The following GRM7 variants were observed in gnomAD, a reference collection of about 807,000 sequenced individuals.
GRM7 encodes glutamate metabotropic receptor 7, also known as metabotropic glutamate receptor 7.
Under a neutral mutation model 84.5 loss-of-function variants are expected in GRM7, and 35 were observed. The ratio of observed to expected loss-of-function variants is 0.41; its 90% CI spans 0.32 to 0.55. The LOEUF is 0.55. Ranked by LOEUF, GRM7 falls within the 20% of genes least tolerant of loss-of-function variation. GRM7 has a pLI of 0.19. For missense variants in GRM7, 1,003 were observed against 1,194.6 expected, an observed-to-expected ratio of 0.84 and a Z score of 2.36; for synonymous variants, 487 against 455.1, an observed-to-expected ratio of 1.07 and a Z score of -0.89.
intron 2 of GRM7, among the ~76,000 whole-genome samples, chr3:7,180,788 A>T (rs1695311784): frequency 6.6e-6 from 1 of 152,144 alleles, no homozygotes; most frequent in Admixed American, 6.5e-5. Context: ...GTTCCATCTG[A>T]CCAGTAATTT....
intron 1 of GRM7, among the ~76,000 whole-genome samples, chr3:7,131,985 AC>A (rs2125053999): frequency 6.6e-6 from 1 of 152,262 alleles, no homozygotes; most frequent in East Asian, 1.9e-4. Context: ...CTACTTCATT[AC>A]TTTTTGAATT....
chr3:7,351,268 A>G (rs1693127572), intron 4 of GRM7, among the ~76,000 whole-genome samples: 1 of 147,820 alleles, frequency 6.8e-6, no homozygotes, highest in Non-Finnish European at 1.5e-5. Flanking sequence ...AGCAGGGGCT[A>G]CATGCTGCCC....
At chr3:7,635,063 CCTCA>C (rs1331444148) in intron 8 of GRM7, among the ~76,000 whole-genome samples, 1 of 152,162 alleles carries the variant, frequency 6.6e-6, no homozygotes, top group African/African-American at 2.4e-5. Flanking sequence ...GCAGCCATAG[CCTCA>C]TATGGGTATT....
intron 1 of GRM7, among the ~76,000 whole-genome samples, chr3:6,938,558 A>G (rs1427871826): frequency 6.6e-6 from 1 of 152,238 alleles, no homozygotes. Flanking sequence ...GGGATTTAAA[A>G]ATAATAAGAC....
chr3:6,893,856 G>A (rs939463447), intron 1 of GRM7: 1 of 152,104 alleles, frequency 6.6e-6, no homozygotes, highest in Non-Finnish European at 1.5e-5. Context: ...AAAATAAAGT[G>A]GGAAATAAGG....
chr3:6,951,956 C>A (rs1480378959), intron 1 of GRM7, among the ~76,000 whole-genome samples: 3 of 151,870 alleles, frequency 2.0e-5, no homozygotes, highest in African/African-American at 4.8e-5. Context: ...TTTCTTTATC[C>A]CTGGTAGTAT....
At chr3:7,476,574 A>G (rs546944479) in intron 7 of GRM7, among the ~76,000 whole-genome samples, 105 of 152,276 alleles carry the variant, frequency 6.9e-4, no homozygotes, top group African/African-American at 2.5e-3. Flanking sequence ...TAAAAAAAGA[A>G]AAGTGACTAG....
chr3:7,679,540 T>C (rs1435272554), intron 8 of GRM7, among the ~76,000 whole-genome samples: 3 of 152,198 alleles, frequency 2.0e-5, no homozygotes, highest in African/African-American at 7.2e-5. Flanking sequence ...GTCAACTCAC[T>C]ATTCAGCAGA....
Position 6,968,751 on chromosome 3 carries a change from T to C in GRM7, c.519+106844T>C, listed in dbSNP as rs1389269692. 2.6e-5 allele frequency among the ~76,000 whole-genome samples: 4 copies of C among 152,314 alleles called. No homozygotes were observed. In the East Asian group the frequency reaches 7.7e-4, roughly 29 times the overall value. On this transcript the variant is annotated intron_variant, in intron 1 of 9. Coordinates refer to ENST00000357716, the MANE Select transcript of GRM7 (RefSeq NM_000844.4). The stretch of plus-strand genomic sequence containing the variant: ...TATTGCAGGGTCAAGAAGTAGAAGC[T>C]GACTCAAGACAGTTCCCCTCCATAT...
At chr3:6,939,276 T>G (rs946805722) in intron 1 of GRM7, among the ~76,000 whole-genome samples, 46 of 152,322 alleles carry the variant, frequency 3.0e-4, no homozygotes, top group Admixed American at 2.6e-3. Flanking sequence ...CTCCCAGTTT[T>G]GTGAGTCATG....
chr3:7,427,351 GC>G (rs1348477296), intron 5 of GRM7, among the ~76,000 whole-genome samples: 2 of 152,058 alleles, frequency 1.3e-5, no homozygotes, highest in Admixed American at 6.6e-5. Context: ...ATGCTCTTAT[GC>G]TCTTATGTTA....
chr3:6,877,949 C>CTT lies in GRM7; in HGVS notation c.519+16055_519+16056dup, dbSNP rs34919831. ...TGATCAGATTTAACTCAATAACTTA[C>CTT]TTTTTTTTTTTTTTACAGATCTGTG... On this transcript the variant is annotated intron_variant, in intron 1 of 9. Coordinates refer to ENST00000357716, the MANE Select transcript of GRM7 (RefSeq NM_000844.4). Among the ~76,000 whole-genome samples the CTT allele has an allele frequency of 3.8e-3, 550 of 145,466 alleles. 9 individuals are homozygous for CTT. Among genetic ancestry groups the CTT allele is most frequent in the African/African-American group, 0.013 (508 of 39,716 alleles).
At chr3:7,460,229 G>A (rs904668357) in intron 6 of GRM7, among the ~76,000 whole-genome samples, 19 of 150,996 alleles carry the variant, frequency 1.3e-4, no homozygotes, top group African/African-American at 4.6e-4. Context: ...TTCAATAGAT[G>A]GTAATGATTT....
chr3:7,722,434 G>A (rs1316848101), intron 9 of GRM7, among the ~76,000 whole-genome samples: 2 of 138,886 alleles, frequency 1.4e-5, no homozygotes, highest in Non-Finnish European at 3.0e-5. Flanking sequence ...GCTGAATGGT[G>A]ACAATCCTTG....
intron 6 of GRM7, among the ~76,000 whole-genome samples, chr3:7,459,558 A>G (rs1038203398): frequency 6.6e-6 from 1 of 152,108 alleles, no homozygotes; most frequent in Non-Finnish European, 1.5e-5. Flanking sequence ...ACGTCTTTAC[A>G]TGGTGGCGGG....
intron 8 of GRM7, among the ~76,000 whole-genome samples, chr3:7,583,346 G>A: frequency 6.6e-6 from 1 of 152,262 alleles, no homozygotes; most frequent in Admixed American, 6.5e-5. Context: ...AGTAAAATCT[G>A]CCTAGAACTA....
chr3:7,639,469 G>C (rs1355497451), intron 8 of GRM7, among the ~76,000 whole-genome samples: 5 of 152,154 alleles, frequency 3.3e-5, no homozygotes, highest in Admixed American at 2.6e-4. Context: ...GGCTTACAGA[G>C]TTATTGACCC....
chr3:6,961,896 A>G (rs1234825337), intron 1 of GRM7, among the ~76,000 whole-genome samples: 1 of 152,100 alleles, frequency 6.6e-6, no homozygotes, highest in Admixed American at 6.5e-5. Context: ...ATACTACACT[A>G]CACCATCCCA....
intron 2 of GRM7, among the ~76,000 whole-genome samples, chr3:7,262,548 T>C (rs1698472613): frequency 6.6e-6 from 1 of 152,220 alleles, no homozygotes; most frequent in African/African-American, 2.4e-5. Flanking sequence ...TTCAGTGTTC[T>C]CCTGAATCTC....
Sources: gnomAD v4.1 joint callset for allele counts (sites outside exome capture counted in the v4.1 genomes callset) on GRCh38, gnomAD v4.1.1 for gene constraint, MANE v1.5 for transcripts, NCBI Gene and HGNC (gene_info 2026-07-23, HGNC 2026-07-21) for gene names.